MTARC2: variants seen among roughly 807,000 people sequenced by gnomAD.
MTARC2 encodes mitochondrial amidoxime reducing component 2, also known as MOCO sulphurase C-terminal domain containing 2.
MTARC2 carries 27 observed loss-of-function variants against 35.6 expected under a neutral mutation model. That is an observed-to-expected ratio of 0.76 (90% CI 0.56 to 1.04). The LOEUF is 1.04. Ranked by LOEUF, MTARC2 falls within the 50% of genes least tolerant of loss-of-function variation. The pLI is 0.00. For synonymous variants in MTARC2, 158 were observed against 167.1 expected, an observed-to-expected ratio of 0.95 and a Z score of 0.42; for missense variants, 412 against 432.5, an observed-to-expected ratio of 0.95 and a Z score of 0.42.
intron 4 of MTARC2, among the ~76,000 whole-genome samples, chr1:220,769,967 C>T: frequency 9.3e-6 from 1 of 107,654 alleles, no homozygotes. Context: ...ATTAAGCGGG[C>T]GTGATGGCGG....
Position 220,764,474 on chromosome 1 carries a change from C to T in MTARC2, c.750+1424C>T, listed in dbSNP as rs530468802. ...TAAACCATCGTACATGTAGGCACTCCGTATTATCTGATAATTTGAAAAATA... is the reference window on the plus strand; with the variant it reads ...TAAACCATCGTACATGTAGGCACTCTGTATTATCTGATAATTTGAAAAATA... On this transcript the variant is annotated intron_variant, in intron 4 of 7. Transcript: ENST00000366913. 6.6e-5 allele frequency among the ~76,000 whole-genome samples: 10 copies of T among 152,212 alleles called. No homozygotes were observed. The East Asian group carries it at 9.6e-4, about 15-fold the overall frequency.
At chr1:220,752,595 A>G (rs382959) in intron 1 of MTARC2, among the ~76,000 whole-genome samples, 52,288 of 152,078 alleles carry the variant, frequency 0.34, 11,354 homozygotes, top group East Asian at 0.7. Context: ...TAATCTCAGC[A>G]CTTTGGGAGG....
chr1:220,770,007 T>A (rs1434807667), intron 4 of MTARC2, among the ~76,000 whole-genome samples: 2 of 148,576 alleles, frequency 1.3e-5, no homozygotes, highest in Non-Finnish European at 3.0e-5. Flanking sequence ...CTCGGGAGGC[T>A]GAGGCAGGAG....
At chr1:220,778,262 A>AG (rs1421779777) in intron 4 of MTARC2, among the ~76,000 whole-genome samples, 6 of 143,180 alleles carry the variant, frequency 4.2e-5, no homozygotes, top group Admixed American at 6.9e-5. Flanking sequence ...AAAAAAAAAA[A>AG]AAAAAAGAAA....
At chr1:220,755,382 A>G (rs1671249442) in intron 2 of MTARC2, among the ~76,000 whole-genome samples, 1 of 152,184 alleles carries the variant, frequency 6.6e-6, no homozygotes, top group African/African-American at 2.4e-5. Context: ...AGAAGATGTT[A>G]TACCAACAGA....
intron 2 of MTARC2, among the ~76,000 whole-genome samples, chr1:220,757,973 T>C (rs1671327538): frequency 6.6e-6 from 1 of 152,132 alleles, no homozygotes; most frequent in Non-Finnish European, 1.5e-5. Context: ...TATTCTACAC[T>C]TATTTTATTT....
At chr1:220,781,999 T>G in intron 7 of MTARC2, 67 bp downstream of exon 7, 1 of 1,337,748 alleles carries the variant, frequency 7.5e-7, no homozygotes, top group South Asian at 1.5e-5. Context: ...TTGTGTTAAT[T>G]TTTTTTATGT....
intron 1 of MTARC2, among the ~76,000 whole-genome samples, chr1:220,753,991 A>C (rs1327270605): frequency 6.6e-6 from 1 of 152,212 alleles, no homozygotes; most frequent in African/African-American, 2.4e-5. Context: ...TGGAGGTTGC[A>C]GTGAGCTAGA....
chr1:220,759,301 T>C (rs1671369572), intron 2 of MTARC2, among the ~76,000 whole-genome samples: 1 of 152,124 alleles, frequency 6.6e-6, no homozygotes, highest in African/African-American at 2.4e-5. Flanking sequence ...ACTAATGAAG[T>C]TTTATTGAAC....
intron 4 of MTARC2, chr1:220,770,603 C>T: frequency 1.0e-6 from 1 of 976,190 alleles, no homozygotes; most frequent in Non-Finnish European, 1.2e-6. Context: ...ATACCTTTCT[C>T]TCGCTGTTCT....
At chr1:220,768,619 A>G (rs75742660) in intron 4 of MTARC2, among the ~76,000 whole-genome samples, 7,237 of 152,142 alleles carry the variant, frequency 0.048, 268 homozygotes, top group East Asian at 0.19. Context: ...ATAGGGCCCC[A>G]GTCACTGTGG....
chr1:220,754,846 A>G, intron 1 of MTARC2, 101 bp from the exon 2 acceptor site: 1 of 1,106,322 alleles, frequency 9.0e-7, no homozygotes, highest in Non-Finnish European at 1.3e-6. Context: ...AGGTCCCAAG[A>G]CGGGGTGGGT....
chr1:220,761,599 C>T lies in MTARC2; in HGVS notation c.447-59C>T, dbSNP rs1671436915. On this transcript the variant is annotated intron_variant, in intron 2 of 7. Coordinates refer to ENST00000366913, the MANE Select transcript of MTARC2 (RefSeq NM_017898.5). ...ACAGTCCAGCTGTTCATTTTTGACA[C>T]CATCCCTCAGTGTATTGATATAAGT... 2.0e-6 allele frequency: 3 copies of T among 1,506,562 alleles called. No individual in the cohort carries two copies. The Admixed American group carries it at 6.4e-5, about 32-fold the overall frequency. 93.3% of individuals were successfully genotyped at this position (1,506,562 alleles called of 1,614,324 possible).
rs12039771 is a variant in MTARC2, at chr1:220,748,622, G to A, written c.91G>A (p.Ala31Thr). ...RWLGVAALGL[A>T]AVALGTVAWR... is the part of the protein sequence containing the mutation. ...GCTCGGGGTCGCCGCGCTAGGACTG[G>A]CCGCCGTGGCCCTGGGGACTGTCGC... is the stretch of plus-strand genomic sequence containing the variant. The change falls in exon 1 of 8, where the codon GCC becomes ACC. Residue 31 changes from alanine (A) to threonine (T), a missense_variant. Transcript: ENST00000366913. The A allele has an allele frequency of 5.0e-5, 74 of 1,487,724 alleles. No individual in the cohort carries two copies. The East Asian group carries it at 1.2e-3, about 25-fold the overall frequency. The allele number at this position is 1,487,724 out of a possible 1,614,324, so 92.2% of individuals were successfully genotyped here. A position where few individuals can be genotyped will look rare whatever the true frequency, so the allele number is the denominator to read the frequency against.
chr1:220,748,811 A>G lies in MTARC2; in HGVS notation c.272+8A>G, dbSNP rs750605554. 6.3e-7 allele frequency: 1 copy of G among 1,576,130 alleles called. No individual in the cohort carries two copies. The highest frequency in any genetic ancestry group is 2.4e-5 in the East Asian group (1 of 41,916). ...CGGCAACCTGCGGGACAGGTACAGC[A>G]CAGCGCGGGCGCGGGGCAGCGCGGA... On this transcript the variant is annotated splice_region_variant and intron_variant, in intron 1 of 7. Coordinates refer to ENST00000366913, the MANE Select transcript of MTARC2 (RefSeq NM_017898.5).
At chr1:220,775,887 A>G (rs12029763) in intron 4 of MTARC2, among the ~76,000 whole-genome samples, 3,632 of 152,286 alleles carry the variant, frequency 0.024, 106 homozygotes, top group African/African-American at 0.064. Context: ...ATAGTATTCC[A>G]TGGTGTATGT....
chr1:220,761,600 C>A, intron 2 of MTARC2, 58 bp from the exon 3 acceptor site: 2 of 1,508,342 alleles, frequency 1.3e-6, no homozygotes, highest in East Asian at 2.3e-5. Context: ...TTTTTGACAC[C>A]ATCCCTCAGT....
intron 4 of MTARC2, among the ~76,000 whole-genome samples, chr1:220,779,693 G>A (rs1288572787): frequency 6.6e-6 from 1 of 152,192 alleles, no homozygotes; most frequent in African/African-American, 2.4e-5. Context: ...GTGTGGGTTT[G>A]TCTTGCAAGT....
chr1:220,774,925 T>C (rs570858065), intron 4 of MTARC2, among the ~76,000 whole-genome samples: 3,588 of 152,164 alleles, frequency 0.024, 107 homozygotes, highest in African/African-American at 0.064. Context: ...AGCCATGCAA[T>C]TGTGTGTCTA....
Sources: gnomAD v4.1 joint callset for allele counts (sites outside exome capture counted in the v4.1 genomes callset) on GRCh38, gnomAD v4.1.1 for gene constraint, MANE v1.5 for transcripts, NCBI Gene and HGNC (gene_info 2026-07-23, HGNC 2026-07-21) for gene names.